The following SGCD variants were observed in gnomAD, a reference collection of about 807,000 sequenced individuals.
SGCD encodes the protein sarcoglycan delta.
SGCD carries 18 observed loss-of-function variants against 36.6 expected under a neutral mutation model. The ratio of observed to expected loss-of-function variants is 0.49; its 90% CI spans 0.34 to 0.73. The LOEUF is 0.73. SGCD is among the 30% of genes least tolerant of loss of function. The pLI is 0.01. For synonymous variants in SGCD, 133 were observed against 130.6 expected (o/e 1.02, Z -0.12); for missense variants, 387 against 346.7 (o/e 1.12, Z -0.92).
At chr5:156,158,998 CATT>C (rs1023637644) in intron 3 of SGCD, among the ~76,000 whole-genome samples, 6 of 151,436 alleles carry the variant, frequency 4.0e-5, no homozygotes, top group African/African-American at 1.5e-4. Context: ...GACTTATCAT[CATT>C]GTTTTGAGAA....
chr5:155,831,244 G>T, the SGCD span, among the ~76,000 whole-genome samples: 2 of 152,112 alleles, frequency 1.3e-5, no homozygotes, highest in East Asian at 3.9e-4. Flanking sequence ...TCCTCCACCT[G>T]CTCTTGCGGT....
chr5:156,578,557 G>A (rs1466733474), intron 4 of SGCD, among the ~76,000 whole-genome samples: 1 of 152,110 alleles, frequency 6.6e-6, no homozygotes, highest in Non-Finnish European at 1.5e-5. Context: ...ACTTCTTTTG[G>A]TTGGTAGGCT....
At chr5:156,507,715 A>G (rs1265081392) in intron 3 of SGCD, among the ~76,000 whole-genome samples, 1 of 152,196 alleles carries the variant, frequency 6.6e-6, no homozygotes, top group East Asian at 1.9e-4. Flanking sequence ...TTTTAAAATG[A>G]CATTTATCAA....
intron 7 of SGCD, among the ~76,000 whole-genome samples, chr5:156,675,513 A>C (rs1234248499): frequency 6.6e-6 from 1 of 152,170 alleles, no homozygotes; most frequent in Non-Finnish European, 1.5e-5. Context: ...CTGGTCCCAA[A>C]ATTAAAACTG....
chr5:155,814,536 T>C, the SGCD span, among the ~76,000 whole-genome samples: 7 of 152,194 alleles, frequency 4.6e-5, no homozygotes, highest in Non-Finnish European at 1.0e-4. Flanking sequence ...AGGCATTCAC[T>C]GTGGTAACTT....
At chr5:156,608,293 C>T (rs183980761) in intron 6 of SGCD, among the ~76,000 whole-genome samples, 6 of 152,260 alleles carry the variant, frequency 3.9e-5, no homozygotes, top group East Asian at 1.9e-4. Context: ...GCCTTCATTT[C>T]GTTATGTACC....
At chr5:156,362,994 A>G (rs946179762) in intron 3 of SGCD, among the ~76,000 whole-genome samples, 8 of 152,020 alleles carry the variant, frequency 5.3e-5, no homozygotes, top group African/African-American at 1.9e-4. Context: ...CTTTCCCTAA[A>G]TTGTTTATTT....
chr5:156,556,860 A>G (rs1401405275), intron 4 of SGCD, among the ~76,000 whole-genome samples: 3 of 152,172 alleles, frequency 2.0e-5, no homozygotes, highest in Non-Finnish European at 2.9e-5. Flanking sequence ...CTGTGGTTGC[A>G]GCTTATGCTC....
Position 156,767,011 on chromosome 5 carries a change from G to T in SGCD, c.*7621G>T, listed in dbSNP as rs968833843. On this transcript the variant is annotated 3_prime_UTR_variant, in exon 9 of 9. Coordinates refer to ENST00000337851, the MANE Select transcript of SGCD (RefSeq NM_000337.6). The stretch of plus-strand genomic sequence containing the variant: ...ACCCACCACAAAACCTTAGTAAAAG[G>T]ATGAGCCAAAAATGAAAAAGACTCG... The T allele has an allele frequency of 1.3e-5, 2 of 152,088 alleles. No individual in the cohort carries two copies. The highest frequency in any genetic ancestry group is 1.3e-4 in the Admixed American group (2 of 15,262). 9.4% of individuals were successfully genotyped at this position (152,088 alleles called of 1,614,324 possible). A position where few individuals can be genotyped will look rare whatever the true frequency, so the allele number is the denominator to read the frequency against.
chr5:156,448,100 T>G (rs888836556), intron 3 of SGCD, among the ~76,000 whole-genome samples: 1 of 152,124 alleles, frequency 6.6e-6, no homozygotes, highest in African/African-American at 2.4e-5. Context: ...AAAATACCAT[T>G]GTACTACATC....
the SGCD span, among the ~76,000 whole-genome samples, chr5:155,753,076 G>T: frequency 6.6e-6 from 1 of 152,076 alleles, no homozygotes; most frequent in African/African-American, 2.4e-5. Context: ...AGTGGCTCAT[G>T]CCTGTAATCC....
At chr5:155,753,889 T>C in the SGCD span, among the ~76,000 whole-genome samples, 4 of 152,178 alleles carry the variant, frequency 2.6e-5, no homozygotes, top group East Asian at 1.9e-4. Flanking sequence ...TTTTGACCCA[T>C]GTCACATTTA....
chr5:156,360,232 C>T (rs906436527), intron 3 of SGCD, among the ~76,000 whole-genome samples: 9 of 148,212 alleles, frequency 6.1e-5, no homozygotes, highest in African/African-American at 2.2e-4. Flanking sequence ...TTACATATAC[C>T]TACCCTTTCC....
intron 1 of SGCD, among the ~76,000 whole-genome samples, chr5:156,026,704 C>T (rs1003516992): frequency 1.3e-5 from 2 of 152,122 alleles, no homozygotes; most frequent in African/African-American, 4.8e-5. Flanking sequence ...TCCCTAGTGC[C>T]TGGGTTCTAG....
At chr5:155,759,232 G>A in the SGCD span, among the ~76,000 whole-genome samples, 2 of 152,014 alleles carry the variant, frequency 1.3e-5, no homozygotes, top group Non-Finnish European at 2.9e-5. Context: ...AGCCTTTGTC[G>A]AGCAAATGTT....
At chr5:156,635,009 G>A (rs1404750149) in intron 6 of SGCD, among the ~76,000 whole-genome samples, 1 of 152,078 alleles carries the variant, frequency 6.6e-6, no homozygotes, top group Non-Finnish European at 1.5e-5. Context: ...GACTGCTTGA[G>A]CCCAGAAGTT....
At chr5:156,109,809 C>T (rs1258861076) in intron 1 of SGCD, among the ~76,000 whole-genome samples, 1 of 152,102 alleles carries the variant, frequency 6.6e-6, no homozygotes, top group Non-Finnish European at 1.5e-5. Flanking sequence ...CCATTTACTG[C>T]CCTATGTCTG....
intron 3 of SGCD, among the ~76,000 whole-genome samples, chr5:156,269,784 TAGTTTGCAAA>T (rs1766124240): frequency 6.6e-6 from 1 of 152,318 alleles, no homozygotes; most frequent in East Asian, 1.9e-4. Context: ...GTCAGATGCA[TAGTTTGCAAA>T]AGTTTGCAAA....
At chr5:155,871,635 T>C (rs543261949) in intron 1 of SGCD, among the ~76,000 whole-genome samples, 1 of 152,212 alleles carries the variant, frequency 6.6e-6, no homozygotes, top group Non-Finnish European at 1.5e-5. Flanking sequence ...TTTTTGAGCA[T>C]CAGTGGTGTA....
Sources: allele counts gnomAD v4.1 joint callset (sites outside exome capture counted in the v4.1 genomes callset), GRCh38; gene constraint gnomAD v4.1.1; transcripts MANE v1.5; gene names NCBI Gene and HGNC (gene_info 2026-07-23, HGNC 2026-07-21).